The following SEMA3A variants were observed in gnomAD, a reference collection of about 807,000 sequenced individuals.
SEMA3A encodes the protein semaphorin-3A.
In SEMA3A, 29 loss-of-function variants were observed where a neutral mutation model predicts 97.9. The ratio of observed to expected loss-of-function variants is 0.30; its 90% CI spans 0.22 to 0.40. SEMA3A has a LOEUF of 0.40. Among genes scored for constraint, SEMA3A ranks in the 10% least tolerant of loss-of-function variants. The pLI is 1.00. For missense variants in SEMA3A, 763 were observed against 951.3 expected (o/e 0.80, Z 2.60); for synonymous variants, 321 against 323.7 (o/e 0.99, Z 0.09).
intron 1 of SEMA3A, among the ~76,000 whole-genome samples, chr7:84,478,109 G>C (rs567940681): frequency 2.6e-5 from 4 of 152,238 alleles, no homozygotes; most frequent in African/African-American, 9.6e-5. Flanking sequence ...AAATTTAGTG[G>C]TAAGAGAGAC....
At chr7:84,458,778 A>T (rs1432530107) in intron 1 of SEMA3A, among the ~76,000 whole-genome samples, 1 of 152,132 alleles carries the variant, frequency 6.6e-6, no homozygotes, top group Non-Finnish European at 1.5e-5. Flanking sequence ...TGGGATATCC[A>T]TCACTTCAAA....
chr7:84,436,596 T>A (rs2116330758), intron 1 of SEMA3A, among the ~76,000 whole-genome samples: 1 of 152,310 alleles, frequency 6.6e-6, no homozygotes, highest in East Asian at 1.9e-4. Flanking sequence ...TTTAAACTTA[T>A]TTTGGGCTTC....
chr7:84,010,173 AAG>A (rs2116410473), intron 9 of SEMA3A, among the ~76,000 whole-genome samples: 1 of 152,262 alleles, frequency 6.6e-6, no homozygotes, highest in Non-Finnish European at 1.5e-5. Context: ...TTTTTTTACA[AAG>A]AGAATCTATT....
chr7:83,968,015 A>T (rs535047552), intron 15 of SEMA3A, among the ~76,000 whole-genome samples: 38 of 152,210 alleles, frequency 2.5e-4, no homozygotes, highest in African/African-American at 6.7e-4. Flanking sequence ...CATGCTATCA[A>T]TTTGATTCTT....
intron 1 of SEMA3A, among the ~76,000 whole-genome samples, chr7:84,405,393 A>G (rs945128075): frequency 6.6e-6 from 1 of 152,230 alleles, no homozygotes; most frequent in African/African-American, 2.4e-5. Flanking sequence ...AGATTCATAA[A>G]GCAAGTCCTT....
intron 12 of SEMA3A, among the ~76,000 whole-genome samples, chr7:83,994,732 G>T (rs1343272498): frequency 6.6e-6 from 1 of 150,838 alleles, no homozygotes; most frequent in Admixed American, 6.6e-5. Context: ...TGTCAGACAG[G>T]GCCATTTAAG....
chr7:84,191,505 A>G (rs1374602560), intron 1 of SEMA3A, among the ~76,000 whole-genome samples: 1 of 151,716 alleles, frequency 6.6e-6, no homozygotes, highest in Non-Finnish European at 1.5e-5. Context: ...TTTTCTTGTG[A>G]TTCATGCAGG....
At chr7:84,061,081 C>T (rs1358552035) in intron 4 of SEMA3A, among the ~76,000 whole-genome samples, 1 of 152,148 alleles carries the variant, frequency 6.6e-6, no homozygotes, top group African/African-American at 2.4e-5. Flanking sequence ...TCTTTGGTGG[C>T]TACGTGCTTC....
intron 2 of SEMA3A, among the ~76,000 whole-genome samples, chr7:84,314,937 T>C (rs1801455288): frequency 6.6e-6 from 1 of 152,188 alleles, no homozygotes; most frequent in Admixed American, 6.6e-5. Flanking sequence ...TTTGATTTGT[T>C]TTAATCTCAT....
chr7:84,063,391 C>T (rs1793336942), intron 4 of SEMA3A, among the ~76,000 whole-genome samples: 2 of 151,182 alleles, frequency 1.3e-5, no homozygotes, highest in African/African-American at 4.9e-5. Context: ...CGCAGTTCCT[C>T]ACCAGCAACG....
chr7:84,360,963 A>T (rs1802703940), intron 2 of SEMA3A, among the ~76,000 whole-genome samples: 1 of 152,074 alleles, frequency 6.6e-6, no homozygotes, highest in Non-Finnish European at 1.5e-5. Context: ...TTAACTTAAA[A>T]TTTAAAATAT....
intron 1 of SEMA3A, among the ~76,000 whole-genome samples, chr7:84,141,759 TCGCACTTATAACTG>T (rs1377447928): frequency 6.6e-6 from 1 of 152,180 alleles, no homozygotes; most frequent in Non-Finnish European, 1.5e-5. Context: ...ATCATTTAGC[TCGCACTTATAACTG>T]AGAACATGCA....
intron 2 of SEMA3A, among the ~76,000 whole-genome samples, chr7:84,131,626 G>C (rs1373538007): frequency 6.6e-6 from 1 of 152,040 alleles, no homozygotes; most frequent in East Asian, 1.9e-4. Flanking sequence ...TGTTAACCTT[G>C]TAAGGTCATC....
chr7:84,136,640 A>T (rs1326684688), intron 1 of SEMA3A, among the ~76,000 whole-genome samples: 1 of 152,064 alleles, frequency 6.6e-6, no homozygotes, highest in Non-Finnish European at 1.5e-5. Flanking sequence ...CCTGCATCCC[A>T]CTGTCAATTA....
intron 4 of SEMA3A, among the ~76,000 whole-genome samples, chr7:84,061,191 G>A (rs916574925): frequency 1.2e-4 from 19 of 152,132 alleles, no homozygotes; most frequent in African/African-American, 4.6e-4. Context: ...AGTGTGCCTG[G>A]AGGTGGTGTC....
Position 84,012,418 on chromosome 7 carries a change from G to A in SEMA3A, c.811-1121C>T, listed in dbSNP as rs865960312. Among the ~76,000 whole-genome samples the A allele has an allele frequency of 5.3e-5, 8 of 152,022 alleles. No homozygotes were observed. The South Asian group carries it at 6.2e-4, about 12-fold the overall frequency. ...TTTCTACTCTGCAATGAATGGATTC[G>A]TTTTGTTTTAGTATAATGCTCTCTC... On this transcript the variant is annotated intron_variant, in intron 7 of 16. Transcript: ENST00000265362.
At chr7:84,334,341 T>C (rs546902806) in intron 2 of SEMA3A, among the ~76,000 whole-genome samples, 1 of 152,170 alleles carries the variant, frequency 6.6e-6, no homozygotes, top group African/African-American at 2.4e-5. Flanking sequence ...GTTCATAATC[T>C]ATAATTTACC....
At position 83,985,473 on chromosome 7, in the gene SEMA3A, G is replaced by T. The variant is rs746014457; in HGVS notation, c.1457C>A (p.Pro486Gln). Residue 486 changes from proline to glutamine, a missense_variant, in exon 13 of 17, where the codon CCG becomes CAG. Pro to Gln is a moderately conservative substitution (Grantham distance 76). This residue lies in a region of SEMA3A where 678 missense variants were observed against 881.3 expected (regional missense o/e 0.77). Transcript: ENST00000265362. ...LLEEMTVFRE[P>Q]TAISAMELST... ...AAGCTCCATTGCTGAAATAGCAGTCGGTTCCTAAAGGAGAAAAAGAAATAT... is the reference window on the plus strand; with the variant it reads ...AAGCTCCATTGCTGAAATAGCAGTCTGTTCCTAAAGGAGAAAAAGAAATAT... The T allele has an allele frequency of 3.1e-6, 5 of 1,607,218 alleles. No homozygotes were observed. Among genetic ancestry groups the T allele is most frequent in the Non-Finnish European group, 3.4e-6 (4 of 1,175,386 alleles).
chr7:84,398,607 T>G (rs1384068450), intron 1 of SEMA3A, among the ~76,000 whole-genome samples: 1 of 151,952 alleles, frequency 6.6e-6, no homozygotes, highest in Non-Finnish European at 1.5e-5. Context: ...TTTTTTTTCT[T>G]TTTTTTGCAG....
Sources: gnomAD v4.1 joint callset for allele counts (sites outside exome capture counted in the v4.1 genomes callset) on GRCh38, gnomAD v4.1.1 for gene constraint, gnomAD v4.1.1 regional missense constraint, MANE v1.5 for transcripts, NCBI Gene and HGNC (gene_info 2026-07-23, HGNC 2026-07-21) for gene names.